DPP10: variants seen among roughly 807,000 people sequenced by gnomAD.
DPP10 encodes the protein inactive dipeptidyl peptidase 10.
In DPP10, 33 loss-of-function variants were observed where a neutral mutation model predicts 120.9. That is an observed-to-expected ratio of 0.27 (90% CI 0.21 to 0.37). The LOEUF (loss-of-function observed/expected upper bound fraction) is 0.37. Ranked by LOEUF, DPP10 falls within the 10% of genes least tolerant of loss-of-function variation. DPP10 has a pLI of 1.00. For missense variants in DPP10, 816 were observed against 942.8 expected, an observed-to-expected ratio of 0.87 and a Z score of 1.76; for synonymous variants, 337 against 326.1, an observed-to-expected ratio of 1.03 and a Z score of -0.36.
chr2:114,792,922 A>G (rs1472225669), intron 1 of DPP10, among the ~76,000 whole-genome samples: 1 of 151,034 alleles, frequency 6.6e-6, no homozygotes, highest in Non-Finnish European at 1.5e-5. Context: ...CACTGTAATA[A>G]CTCATAGCCA....
chr2:115,537,414 A>G lies in DPP10; in HGVS notation c.441+11442A>G, dbSNP rs545317081. On this transcript the variant is annotated intron_variant, in intron 5 of 25. Transcript: ENST00000410059. ...GAGAAAAAGTAAAGTGAGTCCCTATATATTTGGCAAATATTAGGTTGAATG... is the reference window on the plus strand; with the variant it reads ...GAGAAAAAGTAAAGTGAGTCCCTATGTATTTGGCAAATATTAGGTTGAATG... 2.6e-5 allele frequency among the ~76,000 whole-genome samples: 4 copies of G among 152,170 alleles called. No homozygotes were observed. The East Asian group carries it at 7.8e-4, about 30-fold the overall frequency.
chr2:115,568,409 G>A (rs1258033130), intron 5 of DPP10, among the ~76,000 whole-genome samples: 1 of 151,952 alleles, frequency 6.6e-6, no homozygotes, highest in Non-Finnish European at 1.5e-5. Context: ...CTTGAATCCG[G>A]GAGGCAGAGC....
chr2:115,123,245 G>T (rs1319371290), intron 1 of DPP10, among the ~76,000 whole-genome samples: 1 of 152,280 alleles, frequency 6.6e-6, no homozygotes, highest in African/African-American at 2.4e-5. Context: ...AGGAATGAAA[G>T]GAAGTCAAGT....
chr2:115,162,015 A>T (rs1481347875), intron 1 of DPP10: 3 of 1,385,468 alleles, frequency 2.2e-6, no homozygotes, highest in Non-Finnish European at 2.8e-6. Flanking sequence ...AGCCAGGCGC[A>T]GCCGGCGGAC....
intron 1 of DPP10, among the ~76,000 whole-genome samples, chr2:114,915,538 A>G (rs1411855764): frequency 6.6e-6 from 1 of 152,204 alleles, no homozygotes; most frequent in African/African-American, 2.4e-5. Context: ...CAGTAACATA[A>G]TATACATTCT....
chr2:115,522,343 A>G (rs2077861179), intron 4 of DPP10, among the ~76,000 whole-genome samples: 1 of 152,140 alleles, frequency 6.6e-6, no homozygotes, highest in South Asian at 2.1e-4. Flanking sequence ...CATGCATCTT[A>G]TCCTGAACAA....
chr2:115,724,700 T>C (rs1246994117), intron 7 of DPP10, among the ~76,000 whole-genome samples: 1 of 152,202 alleles, frequency 6.6e-6, no homozygotes, highest in Non-Finnish European at 1.5e-5. Flanking sequence ...CTTGCATTGC[T>C]ATAGAGAAAC....
intron 1 of DPP10, among the ~76,000 whole-genome samples, chr2:114,571,276 G>T (rs899372486): frequency 2.0e-5 from 3 of 152,026 alleles, no homozygotes; most frequent in African/African-American, 7.2e-5. Context: ...GTTATCGTGA[G>T]ATCTGGCTGT....
intron 3 of DPP10, among the ~76,000 whole-genome samples, chr2:115,488,736 C>G (rs1402608521): frequency 1.3e-4 from 16 of 119,996 alleles, no homozygotes; most frequent in Non-Finnish European, 5.1e-5. Context: ...GTGGTGGGGT[C>G]GGGGGAGGGG....
At chr2:115,820,053 C>G (rs899073150) in intron 21 of DPP10, among the ~76,000 whole-genome samples, 2 of 152,206 alleles carry the variant, frequency 1.3e-5, no homozygotes, top group Non-Finnish European at 2.9e-5. Flanking sequence ...GAGATGCTCT[C>G]TGAGGTATTT....
chr2:115,255,133 C>G (rs2058926936), intron 1 of DPP10, among the ~76,000 whole-genome samples: 1 of 152,190 alleles, frequency 6.6e-6, no homozygotes, highest in Admixed American at 6.5e-5. Flanking sequence ...GCCTGGACAC[C>G]AGGGCATTTC....
At chr2:115,816,179 G>A (rs144652002) in intron 21 of DPP10, among the ~76,000 whole-genome samples, 1 of 152,086 alleles carries the variant, frequency 6.6e-6, no homozygotes, top group East Asian at 1.9e-4. Context: ...CCAGAGAGGG[G>A]AAACAGTAAA....
chr2:114,781,840 G>C (rs984062492), intron 1 of DPP10, among the ~76,000 whole-genome samples: 1 of 152,146 alleles, frequency 6.6e-6, no homozygotes, highest in East Asian at 1.9e-4. Flanking sequence ...AAAAGGACTG[G>C]AAGGAGCGTC....
intron 21 of DPP10, among the ~76,000 whole-genome samples, chr2:115,823,927 T>A (rs1212995779): frequency 6.6e-6 from 1 of 152,242 alleles, no homozygotes; most frequent in Non-Finnish European, 1.5e-5. Flanking sequence ...GCTCTAGTTC[T>A]AGGAATTTGC....
At chr2:115,529,983 T>C (rs1336390250) in intron 5 of DPP10, among the ~76,000 whole-genome samples, 1 of 152,072 alleles carries the variant, frequency 6.6e-6, no homozygotes, top group African/African-American at 2.4e-5. Flanking sequence ...TTGGACAAAA[T>C]AGGGCACAAA....
intron 2 of DPP10, among the ~76,000 whole-genome samples, chr2:115,330,779 G>A (rs80172950): frequency 0.39 from 59,417 of 151,768 alleles, 14,174 homozygotes; most frequent in Non-Finnish European, 0.53. Context: ...TGTTCCATTG[G>A]TCTATATCTC....
rs948209971 is a variant in DPP10 at position 115,204,343 on chromosome 2, C to T, written c.61-104896C>T. ...AATAGGCCATATGTCAGACTTTGTC[C>T]TTAGAATTCACGGGAAGAAGGAAAA... On this transcript the variant is annotated intron_variant, in intron 1 of 25. Transcript: ENST00000410059. Among the ~76,000 whole-genome samples the T allele has an allele frequency of 1.5e-4, 23 of 152,036 alleles. 1 individual carries two copies. Among genetic ancestry groups the T allele is most frequent in the Admixed American group, 1.4e-3 (21 of 15,236 alleles).
At chr2:114,471,160 T>G (rs907335614) in intron 1 of DPP10, among the ~76,000 whole-genome samples, 7 of 152,196 alleles carry the variant, frequency 4.6e-5, no homozygotes, top group Non-Finnish European at 7.3e-5. Context: ...AAATAATGTT[T>G]CCTCAATACT....
intron 2 of DPP10, among the ~76,000 whole-genome samples, chr2:115,339,864 G>T (rs932253791): frequency 2.0e-5 from 3 of 152,212 alleles, no homozygotes; most frequent in African/African-American, 7.2e-5. Context: ...AACTGTTCTT[G>T]ACTGTGGTGC....
Sources: allele counts gnomAD v4.1 joint callset (sites outside exome capture counted in the v4.1 genomes callset), GRCh38; gene constraint gnomAD v4.1.1; transcripts MANE v1.5; gene names NCBI Gene and HGNC (gene_info 2026-07-23, HGNC 2026-07-21).